The following BNC2 variants were observed in gnomAD, a reference collection of about 807,000 sequenced individuals.
The protein encoded by BNC2 is zinc finger protein basonuclin-2.
In BNC2, 20 loss-of-function variants were observed where a neutral mutation model predicts 76.3. That is an observed-to-expected ratio of 0.26 (90% CI 0.18 to 0.38). The LOEUF (loss-of-function observed/expected upper bound fraction) is 0.38. Among genes scored for constraint, BNC2 ranks in the 10% least tolerant of loss-of-function variants. The pLI, the probability that BNC2 is intolerant of heterozygous loss-of-function variation, is 1.00. For missense variants in BNC2, 1,382 were observed against 1,399.8 expected, an observed-to-expected ratio of 0.99 and a Z score of 0.20; for synonymous variants, 582 against 514.8, an observed-to-expected ratio of 1.13 and a Z score of -1.77.
rs1231492018 is a variant in BNC2, at chr9:16,771,623, T to C, written c.4-33138A>G. ...GATTTTAAAAGCCCACCAACAGCAA[T>C]ACATGAACTATAATGACAAGACAAA... is the stretch of plus-strand genomic sequence containing the variant. On this transcript the variant is annotated intron_variant, in intron 1 of 6. Transcript: ENST00000380672. 4.6e-5 allele frequency among the ~76,000 whole-genome samples: 7 copies of C among 152,170 alleles called. No homozygotes were observed. The South Asian group carries it at 1.2e-3, about 27-fold the overall frequency.
chr9:16,805,718 C>G (rs1449492077), intron 1 of BNC2, among the ~76,000 whole-genome samples: 1 of 137,466 alleles, frequency 7.3e-6, no homozygotes, highest in Non-Finnish European at 1.5e-5. Context: ...TACATGCACA[C>G]ACACACACAC....
At chr9:16,815,213 C>T (rs1486052825) in intron 1 of BNC2, among the ~76,000 whole-genome samples, 1 of 152,160 alleles carries the variant, frequency 6.6e-6, no homozygotes, top group African/African-American at 2.4e-5. Context: ...GTTGAAAGAA[C>T]AGCTAAACTA....
rs560855696 is a variant in BNC2 at position 16,794,070 on chromosome 9, G to C, written c.4-55585C>G. The stretch of plus-strand genomic sequence containing the variant: ...CATTGGATTGTGTGACTTAGTTATA[G>C]GTTATAAAACAAGTGAGAGGTAGCA... On this transcript the variant is annotated intron_variant, in intron 1 of 6. Transcript: ENST00000380672. 1.3e-3 allele frequency among the ~76,000 whole-genome samples: 205 copies of C among 152,050 alleles called. 1 individual carries two copies. The highest frequency in any genetic ancestry group is 2.4e-3 in the Non-Finnish European group (166 of 67,982).
At chr9:16,728,095 A>T in intron 2 of BNC2, 98 bp from the exon 3 acceptor site, 215 of 481,110 alleles carry the variant, frequency 4.5e-4, no homozygotes, top group East Asian at 8.5e-4. Context: ...TCATTTGGGA[A>T]GGGGGAGATT....
intron 5 of BNC2, among the ~76,000 whole-genome samples, chr9:16,510,465 CTCTT>C (rs1213253682): frequency 2.6e-5 from 4 of 152,214 alleles, no homozygotes; most frequent in Non-Finnish European, 5.9e-5. Flanking sequence ...CTTTCACGTA[CTCTT>C]TCTTCTTTCG....
intron 5 of BNC2, among the ~76,000 whole-genome samples, chr9:16,480,086 T>C (rs1351875654): frequency 2.0e-5 from 3 of 152,228 alleles, no homozygotes; most frequent in Non-Finnish European, 4.4e-5. Flanking sequence ...GTAACATCAT[T>C]CGATACATGT....
At chr9:16,452,386 G>C (rs1429753224) in intron 5 of BNC2, among the ~76,000 whole-genome samples, 3 of 152,104 alleles carry the variant, frequency 2.0e-5, no homozygotes, top group Non-Finnish European at 4.4e-5. Context: ...AAATGAGCCA[G>C]TTTAATATTA....
chr9:16,809,038 C>A lies in BNC2; in HGVS notation c.3+61608G>T, dbSNP rs145231431. ...CAACAGCTCATTCACAGACTTGGAA[C>A]CAGGCACAACACTGGTTCCCAGGCA... On this transcript the variant is annotated intron_variant, in intron 1 of 6. Transcript: ENST00000380672. Among the ~76,000 whole-genome samples, 336 of 152,278 alleles carry A rather than the reference C, an allele frequency of 2.2e-3. 1 individual carries two copies. Among genetic ancestry groups the A allele is most frequent in the African/African-American group, 7.2e-3 (301 of 41,562 alleles).
chr9:16,570,799 T>C (rs1045544033), intron 4 of BNC2, among the ~76,000 whole-genome samples: 2 of 152,168 alleles, frequency 1.3e-5, no homozygotes, highest in Non-Finnish European at 2.9e-5. Context: ...CTTTTGGGAT[T>C]TAGACCATTG....
At chr9:16,433,187 G>A (rs1321938868) in intron 6 of BNC2, among the ~76,000 whole-genome samples, 1 of 152,124 alleles carries the variant, frequency 6.6e-6, no homozygotes, top group African/African-American at 2.4e-5. Context: ...AAAATATAAT[G>A]TCAAAATTAA....
intron 3 of BNC2, among the ~76,000 whole-genome samples, chr9:16,587,172 C>A (rs1036253216): frequency 6.7e-5 from 10 of 150,268 alleles, no homozygotes; most frequent in Non-Finnish European, 1.2e-4. Context: ...AAATCAGAAA[C>A]AACTCTCCAT....
intron 5 of BNC2, among the ~76,000 whole-genome samples, chr9:16,452,424 T>G (rs1184519662): frequency 2.0e-5 from 3 of 152,026 alleles, no homozygotes; most frequent in Non-Finnish European, 2.9e-5. Flanking sequence ...CCATTACAAT[T>G]ATTATTATTA....
intron 5 of BNC2, among the ~76,000 whole-genome samples, chr9:16,474,525 T>G (rs577506783): frequency 1.6e-4 from 25 of 152,132 alleles, no homozygotes; most frequent in African/African-American, 6.0e-4. Flanking sequence ...ACCCTCAATA[T>G]TGCACCCTGG....
intron 3 of BNC2, among the ~76,000 whole-genome samples, chr9:16,678,874 A>G (rs1016986416): frequency 1.3e-5 from 2 of 152,122 alleles, no homozygotes; most frequent in African/African-American, 4.8e-5. Flanking sequence ...AGTGCCTGAA[A>G]ATTACAATCG....
Position 16,591,599 on chromosome 9 carries a change from C to T in BNC2, c.331-8514G>A, listed in dbSNP as rs141272626. Among the ~76,000 whole-genome samples, 54 of 152,172 alleles carry T rather than the reference C, an allele frequency of 3.5e-4. 1 individual carries two copies. The East Asian group carries it at 9.9e-3, about 28-fold the overall frequency. On this transcript the variant is annotated intron_variant, in intron 3 of 6. Coordinates refer to ENST00000380672, the MANE Select transcript of BNC2 (RefSeq NM_017637.6). ...GAACAATGCACACAGAATTTACATGCTATGATTATCAGTGATTATAAAACT... is the reference window on the plus strand; with the variant it reads ...GAACAATGCACACAGAATTTACATGTTATGATTATCAGTGATTATAAAACT...
intron 2 of BNC2, among the ~76,000 whole-genome samples, chr9:16,730,563 A>G (rs1367316755): frequency 3.3e-5 from 5 of 152,138 alleles, no homozygotes; most frequent in South Asian, 2.1e-4. Flanking sequence ...TAGAAAATCA[A>G]TACAGTCTGT....
At chr9:16,845,306 C>T (rs1818942391) in intron 1 of BNC2, among the ~76,000 whole-genome samples, 1 of 148,064 alleles carries the variant, frequency 6.8e-6, no homozygotes, top group South Asian at 2.2e-4. Context: ...TTTAATTATT[C>T]AACACCAGCT....
intron 3 of BNC2, among the ~76,000 whole-genome samples, chr9:16,593,580 G>A (rs539905891): frequency 3.3e-5 from 5 of 151,956 alleles, no homozygotes; most frequent in East Asian, 3.9e-4. Flanking sequence ...TAATACATGC[G>A]ATTTTGTTAG....
intron 3 of BNC2, among the ~76,000 whole-genome samples, chr9:16,616,898 T>C (rs534219595): frequency 1.6e-4 from 25 of 152,154 alleles, no homozygotes; most frequent in African/African-American, 5.8e-4. Flanking sequence ...TAGTATGTTC[T>C]TTCCTCTTGT....
Sources: gnomAD v4.1 joint callset for allele counts (sites outside exome capture counted in the v4.1 genomes callset) on GRCh38, gnomAD v4.1.1 for gene constraint, MANE v1.5 for transcripts, NCBI Gene and HGNC (gene_info 2026-07-23, HGNC 2026-07-21) for gene names.